The following UBN2 variants were observed in gnomAD, a reference collection of about 807,000 sequenced individuals.
UBN2 encodes ubinuclein 2, also known as ubinuclein-2.
UBN2 carries 35 observed loss-of-function variants against 120.2 expected under a neutral mutation model. That is an observed-to-expected ratio of 0.29 (90% CI 0.22 to 0.39). The LOEUF is 0.39. UBN2 is among the 10% of genes least tolerant of loss of function. The probability of loss-of-function intolerance (pLI) is 1.00; values close to 1 mark genes in which losing one functional copy is unlikely to be tolerated. For synonymous variants in UBN2, 661 were observed against 648.7 expected (o/e 1.02, Z -0.29); for missense variants, 1,693 against 1,663.2 (o/e 1.02, Z -0.31).
intron 2 of UBN2, among the ~76,000 whole-genome samples, chr7:139,246,428 A>G (rs1243755834): frequency 6.6e-6 from 1 of 152,206 alleles, no homozygotes; most frequent in Non-Finnish European, 1.5e-5. Flanking sequence ...GTGAAAAACA[A>G]AGGCCAGCAT....
intron 2 of UBN2, among the ~76,000 whole-genome samples, chr7:139,246,422 A>G (rs1198085296): frequency 6.6e-6 from 1 of 152,190 alleles, no homozygotes; most frequent in African/African-American, 2.4e-5. Context: ...GTTTAGGTGA[A>G]AAACAAAGGC....
In UBN2 at chr7:139,297,770, A is replaced by G. The variant is rs758559307; in HGVS notation, c.3995-17A>G. The stretch of plus-strand genomic sequence containing the variant: ...TAACATATGGACCCATACCAATTTA[A>G]CGTCTCTTTTTCTCAGATGGAGGCC... On this transcript the variant is annotated splice_polypyrimidine_tract_variant and intron_variant, in intron 17 of 17. Coordinates refer to ENST00000473989, the MANE Select transcript of UBN2 (RefSeq NM_173569.4). The G allele has an allele frequency of 6.2e-7, 1 of 1,613,890 alleles. No homozygotes were observed. The highest frequency in any genetic ancestry group is 1.7e-5 in the Admixed American group (1 of 60,018).
chr7:139,258,638 A>G lies in UBN2; in HGVS notation c.801+13A>G, dbSNP rs759582689. 9 of 1,582,440 alleles carry G rather than the reference A, an allele frequency of 5.7e-6. No homozygotes were observed. The highest frequency in any genetic ancestry group is 3.5e-5 in the Admixed American group (2 of 57,186). The stretch of plus-strand genomic sequence containing the variant: ...CAAGCCACCCAAGGTGAGTTTATCA[A>G]ACATTGCAACAGTACTGAGAATGTT... On this transcript the variant is annotated intron_variant, in intron 4 of 17. Transcript: ENST00000473989.
chr7:139,326,224 C>CCAGCGTGGG, the UBN2 span, among the ~76,000 whole-genome samples: 1 of 152,132 alleles, frequency 6.6e-6, no homozygotes, highest in South Asian at 2.1e-4. Context: ...CCCCTGCACT[C>CCAGCGTGGG]CAGCGTGGGC....
chr7:139,285,804 G>A (rs932102174), intron 15 of UBN2, among the ~76,000 whole-genome samples: 7 of 151,972 alleles, frequency 4.6e-5, no homozygotes, highest in Non-Finnish European at 5.9e-5. Context: ...GGGCAGTGGC[G>A]CAATCTTGGC....
chr7:139,315,056 A>C, the UBN2 span, among the ~76,000 whole-genome samples: 1 of 151,846 alleles, frequency 6.6e-6, no homozygotes, highest in Non-Finnish European at 1.5e-5. Context: ...GCTCACTGCA[A>C]GCTCCGCCTC....
intron 2 of UBN2, among the ~76,000 whole-genome samples, chr7:139,240,088 T>C (rs1156740437): frequency 6.6e-6 from 1 of 152,190 alleles, no homozygotes; most frequent in African/African-American, 2.4e-5. Flanking sequence ...TTGACTTAGA[T>C]ATATTTAAGC....
At chr7:139,324,340 C>T in the UBN2 span, among the ~76,000 whole-genome samples, 291 of 151,482 alleles carry the variant, frequency 1.9e-3, no homozygotes, top group Admixed American at 3.7e-3. Context: ...GAGGCCGAGG[C>T]GGGAGGATCA....
the UBN2 span, among the ~76,000 whole-genome samples, chr7:139,314,922 T>G: frequency 6.6e-6 from 1 of 151,904 alleles, no homozygotes; most frequent in Non-Finnish European, 1.5e-5. Context: ...TGAATGTTTT[T>G]GGATGCATAT....
At chr7:139,246,881 T>G (rs1796484462) in intron 2 of UBN2, among the ~76,000 whole-genome samples, 2 of 152,200 alleles carry the variant, frequency 1.3e-5, no homozygotes, top group South Asian at 4.1e-4. Flanking sequence ...ATGTATTGCC[T>G]GTGTCCCTTC....
chr7:139,245,936 T>A (rs116614461), intron 2 of UBN2, among the ~76,000 whole-genome samples: 184 of 152,334 alleles, frequency 1.2e-3, no homozygotes, highest in African/African-American at 4.3e-3. Context: ...TGAGTCAACA[T>A]GTACAAGGCA....
Position 139,302,948 on chromosome 7 carries a change from G to A in UBN2, c.*5112G>A, listed in dbSNP as rs1798294650. Reference sequence around the variant, plus strand: ...GTACCTTGCAAGTCACATTGGTAAGGTGCGCTAGACTAAACATGTGACAAG... The same window carrying A: ...GTACCTTGCAAGTCACATTGGTAAGATGCGCTAGACTAAACATGTGACAAG... On this transcript the variant is annotated 3_prime_UTR_variant, in exon 18 of 18. Coordinates refer to ENST00000473989, the MANE Select transcript of UBN2 (RefSeq NM_173569.4). The A allele has an allele frequency of 6.6e-6, 1 of 152,154 alleles. No homozygotes were observed. Among genetic ancestry groups the A allele is most frequent in the South Asian group, 2.1e-4 (1 of 4,832 alleles). The allele number at this position is 152,154 out of a possible 1,614,324, so 9.4% of individuals were successfully genotyped here. A position where few individuals can be genotyped will look rare whatever the true frequency, so the allele number is the denominator to read the frequency against.
downstream of UBN2, among the ~76,000 whole-genome samples, chr7:139,308,699 T>A (rs1306398985): frequency 1.3e-5 from 2 of 152,130 alleles, no homozygotes; most frequent in Non-Finnish European, 2.9e-5. Flanking sequence ...ATAGGGTATG[T>A]GTGTATTTGA....
chr7:139,269,742 G>A (rs534037343), intron 8 of UBN2, among the ~76,000 whole-genome samples: 1 of 152,248 alleles, frequency 6.6e-6, no homozygotes, highest in African/African-American at 2.4e-5. Context: ...GGCATAGATT[G>A]TTGGATGTAA....
intron 11 of UBN2, among the ~76,000 whole-genome samples, chr7:139,275,664 A>G (rs1396935054): frequency 6.6e-6 from 1 of 152,106 alleles, no homozygotes; most frequent in Non-Finnish European, 1.5e-5. Context: ...TCCATCTTCT[A>G]TCAACAGAAA....
chr7:139,259,438 A>G, intron 5 of UBN2, 68 bp downstream of exon 5: 1 of 1,573,444 alleles, frequency 6.4e-7, no homozygotes, highest in Non-Finnish European at 8.6e-7. Context: ...TTAGAAAGAT[A>G]TACTTACCAT....
chr7:139,283,162 G>T lies in UBN2; in HGVS notation c.2257G>T (p.Asp753Tyr), dbSNP rs770926228. 6.2e-7 allele frequency: 1 copy of T among 1,611,814 alleles called. No homozygotes were observed. Among genetic ancestry groups the T allele is most frequent in the South Asian group, 1.1e-5 (1 of 90,888 alleles). Reference protein sequence around the residue: ...SAPAQETICLDDSLDEDLSFH... With the variant: ...SAPAQETICLYDSLDEDLSFH... ...ACCAGCCCAAGAAACCATCTGCCTC[G>T]ACGACTCACTAGATGAAGACCTTTC... is the stretch of plus-strand genomic sequence containing the variant. Residue 753 changes from aspartate to tyrosine, a missense_variant, in exon 15 of 18, where the codon GAC becomes TAC. By Grantham distance (160) the Asp-to-Tyr change is radical. Transcript: ENST00000473989.
intron 1 of UBN2, among the ~76,000 whole-genome samples, chr7:139,234,704 C>T (rs192233523): frequency 6.6e-6 from 1 of 152,156 alleles, no homozygotes; most frequent in African/African-American, 2.4e-5. Context: ...CTTAGTAAAC[C>T]AGAAAAATCA....
chr7:139,289,023 A>C (rs1401767861), intron 15 of UBN2, among the ~76,000 whole-genome samples: 3 of 149,532 alleles, frequency 2.0e-5, no homozygotes, highest in Non-Finnish European at 4.4e-5. Flanking sequence ...AAAAAAAATT[A>C]ATGCCCACTA....
Sources: gnomAD v4.1 joint callset for allele counts (sites outside exome capture counted in the v4.1 genomes callset) on GRCh38, gnomAD v4.1.1 for gene constraint, MANE v1.5 for transcripts, NCBI Gene and HGNC (gene_info 2026-07-23, HGNC 2026-07-21) for gene names.